SLIT2: variants seen among roughly 807,000 people sequenced by gnomAD.
SLIT2 encodes the protein slit homolog 2 protein.
SLIT2 carries 41 observed loss-of-function variants against 185.7 expected under a neutral mutation model. The observed-to-expected ratio is 0.22, with a 90% CI of 0.17 to 0.29. SLIT2 has a LOEUF of 0.29. Ranked by LOEUF, SLIT2 falls within the 10% of genes least tolerant of loss-of-function variation. The probability of loss-of-function intolerance (pLI) is 1.00; values close to 1 mark genes in which losing one functional copy is unlikely to be tolerated. For synonymous variants in SLIT2, 693 were observed against 680.2 expected (o/e 1.02, Z -0.29); for missense variants, 1,571 against 1,909.0 (o/e 0.82, Z 3.30).
At chr4:20,380,915 A>G (rs1724454032) in intron 4 of SLIT2, among the ~76,000 whole-genome samples, 1 of 152,166 alleles carries the variant, frequency 6.6e-6, no homozygotes, top group African/African-American at 2.4e-5. Context: ...TCAATGAACA[A>G]GAAACAGAAG....
intron 4 of SLIT2, among the ~76,000 whole-genome samples, chr4:20,390,779 A>AAAAT (rs1553892679): frequency 4.9e-5 from 7 of 142,574 alleles, no homozygotes; most frequent in Non-Finnish European, 9.3e-5. Context: ...TTTAAAAAAA[A>AAAAT]ATATATATAT....
intron 34 of SLIT2, among the ~76,000 whole-genome samples, chr4:20,610,881 A>G (rs1177826696): frequency 6.6e-6 from 1 of 152,226 alleles, no homozygotes; most frequent in Non-Finnish European, 1.5e-5. Flanking sequence ...AAGAAGGCAG[A>G]TGAGTGAATA....
rs549941563 is a variant in SLIT2, at chr4:20,545,993, T to C, written c.2277-38T>C. 6.2e-5 allele frequency: 74 copies of C among 1,194,820 alleles called. 1 individual carries two copies. The South Asian group carries it at 9.9e-4, about 16-fold the overall frequency. 74.0% of individuals were successfully genotyped at this position (1,194,820 alleles called of 1,614,324 possible). On this transcript the variant is annotated intron_variant, in intron 21 of 36. Transcript: ENST00000504154. ...TACTTATTTTATTCAAGGCCACCATTACTTTGTAAGAAGATAATATTGTTC... is the reference window on the plus strand; with the variant it reads ...TACTTATTTTATTCAAGGCCACCATCACTTTGTAAGAAGATAATATTGTTC...
intron 15 of SLIT2, among the ~76,000 whole-genome samples, chr4:20,527,082 C>A (rs1424994630): frequency 6.6e-6 from 1 of 152,128 alleles, no homozygotes; most frequent in Non-Finnish European, 1.5e-5. Context: ...GATTCCATTT[C>A]CACTAAGACA....
intron 4 of SLIT2, among the ~76,000 whole-genome samples, chr4:20,376,846 G>A (rs1456855835): frequency 6.6e-6 from 1 of 152,042 alleles, no homozygotes; most frequent in African/African-American, 2.4e-5. Flanking sequence ...ACACAGGGCG[G>A]GGAACATCAC....
intron 4 of SLIT2, among the ~76,000 whole-genome samples, chr4:20,270,126 A>G (rs1016938799): frequency 1.4e-4 from 21 of 152,072 alleles, no homozygotes; most frequent in African/African-American, 5.1e-4. Flanking sequence ...TCTAATAACT[A>G]TTTTTACTTA....
intron 29 of SLIT2, among the ~76,000 whole-genome samples, chr4:20,588,975 A>G (rs1488248450): frequency 6.6e-6 from 1 of 152,200 alleles, no homozygotes; most frequent in East Asian, 1.9e-4. Context: ...AGCTGCGGCA[A>G]TGATCCACAA....
At chr4:20,463,225 CCCA>C (rs1394943338) in intron 4 of SLIT2, among the ~76,000 whole-genome samples, 2 of 151,708 alleles carry the variant, frequency 1.3e-5, no homozygotes, top group Non-Finnish European at 2.9e-5. Flanking sequence ...ATTCCTGCCA[CCCA>C]CCACCTCCCA....
chr4:20,494,515 G>A (rs1456311262), intron 9 of SLIT2, among the ~76,000 whole-genome samples: 4 of 152,130 alleles, frequency 2.6e-5, no homozygotes, highest in Admixed American at 6.5e-5. Context: ...AGTGGCTCAC[G>A]CCTGTAATCC....
chr4:20,524,199 T>C, intron 14 of SLIT2, 22 bp downstream of exon 14: 1 of 1,612,014 alleles, frequency 6.2e-7, no homozygotes, highest in Non-Finnish European at 8.5e-7. Context: ...ACGTGTTATT[T>C]CCCCTGTGAC....
At chr4:20,309,846 G>A (rs1008923364) in intron 4 of SLIT2, among the ~76,000 whole-genome samples, 4 of 139,894 alleles carry the variant, frequency 2.9e-5, no homozygotes, top group Admixed American at 8.0e-5. Context: ...TGCAAGCTCC[G>A]CCTCCCGGGT....
At chr4:20,369,213 CTG>C (rs1717307368) in intron 4 of SLIT2, among the ~76,000 whole-genome samples, 1 of 152,066 alleles carries the variant, frequency 6.6e-6, no homozygotes, top group African/African-American at 2.4e-5. Flanking sequence ...GGTTTGTGTG[CTG>C]TCTCTGTCCT....
At chr4:20,314,992 T>A (rs2109144923) in intron 4 of SLIT2, among the ~76,000 whole-genome samples, 1 of 116,642 alleles carries the variant, frequency 8.6e-6, no homozygotes, top group South Asian at 3.2e-4. Flanking sequence ...TGGAAAGCAA[T>A]CTGTATTACC....
At chr4:20,618,686 A>C (rs1471525020) in intron 36 of SLIT2, 82 bp from the exon 37 acceptor site, 1 of 1,405,612 alleles carries the variant, frequency 7.1e-7, no homozygotes, top group Non-Finnish European at 9.6e-7. Flanking sequence ...AAGGCTTCTG[A>C]ATTAAGTTGT....
intron 29 of SLIT2, among the ~76,000 whole-genome samples, chr4:20,583,938 G>A (rs1726825465): frequency 1.3e-5 from 2 of 152,068 alleles, no homozygotes; most frequent in East Asian, 1.9e-4. Context: ...AGTGCATTGA[G>A]GTTTCTTCCT....
chr4:20,490,794 G>T lies in SLIT2; in HGVS notation c.776-967G>T, dbSNP rs7695303. The T allele has an allele frequency of 0.18, 266,502 of 1,502,790 alleles. 26,503 individuals are homozygous for T. Among genetic ancestry groups the T allele is most frequent in the African/African-American group, 0.4 (28,774 of 71,730 alleles). The allele number at this position is 1,502,790 out of a possible 1,614,324, so 93.1% of individuals were successfully genotyped here. ...TTTCTCTCTTCACTTTTTCCTTTCTGTTTTCTAGATGAGGAAGAAGGCAAG... is the reference window on the plus strand; with the variant it reads ...TTTCTCTCTTCACTTTTTCCTTTCTTTTTTCTAGATGAGGAAGAAGGCAAG... On this transcript the variant is annotated intron_variant, in intron 8 of 36. Coordinates refer to ENST00000504154, the MANE Select transcript of SLIT2 (RefSeq NM_004787.4).
chr4:20,422,030 A>G (rs1296220441), intron 4 of SLIT2, among the ~76,000 whole-genome samples: 5 of 152,110 alleles, frequency 3.3e-5, no homozygotes, highest in Non-Finnish European at 7.4e-5. Flanking sequence ...CTCTGTCACT[A>G]CCAAGATTTC....
At chr4:20,465,276 A>G (rs529434633) in intron 4 of SLIT2, among the ~76,000 whole-genome samples, 1 of 152,318 alleles carries the variant, frequency 6.6e-6, no homozygotes, top group Admixed American at 6.5e-5. Context: ...ACATCTCTGA[A>G]ACTCAGTTTC....
At chr4:20,415,182 C>A (rs926922156) in intron 4 of SLIT2, among the ~76,000 whole-genome samples, 1 of 152,044 alleles carries the variant, frequency 6.6e-6, no homozygotes, top group Non-Finnish European at 1.5e-5. Flanking sequence ...GAGGCCGAGG[C>A]GGGCGGATCA....
Sources: allele counts gnomAD v4.1 joint callset (sites outside exome capture counted in the v4.1 genomes callset), GRCh38; gene constraint gnomAD v4.1.1; transcripts MANE v1.5; gene names NCBI Gene and HGNC (gene_info 2026-07-23, HGNC 2026-07-21).